SV2B: variants seen among roughly 807,000 people sequenced by gnomAD.
The protein encoded by SV2B is synaptic vesicle glycoprotein 2B, also known as solute carrier family 22 member B2.
SV2B carries 41 observed loss-of-function variants against 73.9 expected under a neutral mutation model. The observed-to-expected ratio is 0.56, with a 90% CI of 0.43 to 0.72. The LOEUF (loss-of-function observed/expected upper bound fraction) is 0.72, where lower values mean the gene tolerates loss of function less well. SV2B is among the 30% of genes least tolerant of loss of function. The probability of loss-of-function intolerance (pLI) is 0.00; values close to 1 mark genes in which losing one functional copy is unlikely to be tolerated. For missense variants in SV2B, 764 were observed against 857.8 expected (o/e 0.89, Z 1.37); for synonymous variants, 314 against 314.2 (o/e 1.00, Z 0.01).
Position 91,241,701 on chromosome 15 carries a change from T to C in SV2B, c.452-10118T>C, listed in dbSNP as rs1045457577. Among the ~76,000 whole-genome samples the C allele has an allele frequency of 6.6e-6, 1 of 152,066 alleles. No individual in the cohort carries two copies. The highest frequency in any genetic ancestry group is 1.5e-5 in the Non-Finnish European group (1 of 68,014). ...CGTATTCTTGTGACAGTGGAGGAGGTGTGAGGCTCACTGGTCTCCCTGTAT... is the reference window on the plus strand; with the variant it reads ...CGTATTCTTGTGACAGTGGAGGAGGCGTGAGGCTCACTGGTCTCCCTGTAT... On this transcript the variant is annotated intron_variant, in intron 2 of 12. Coordinates refer to ENST00000394232, the MANE Select transcript of SV2B (RefSeq NM_001323032.3). This position sits in a 1 kb window ranked among gnomAD's most constrained non-coding sequence, Gnocchi z 4.8.
chr15:91,118,684 A>G lies in SV2B; in HGVS notation c.-392+18321A>G, dbSNP rs2042244501. Among the ~76,000 whole-genome samples, 1 of 152,196 alleles carries G rather than the reference A, an allele frequency of 6.6e-6. No homozygotes were observed. The highest frequency in any genetic ancestry group is 2.1e-4 in the South Asian group (1 of 4,826). ...CCGAGGTGAGGCTGAACACTGTCTC[A>G]AGAAAACTTTATACACAGAAGCCAC... is the stretch of plus-strand genomic sequence containing the variant. On this transcript the variant is annotated intron_variant, in intron 1 of 12. Transcript: ENST00000394232. This position sits in a 1 kb window ranked among gnomAD's most constrained non-coding sequence, Gnocchi z 4.7.
intron 1 of SV2B, among the ~76,000 whole-genome samples, chr15:91,181,178 G>A (rs1486657690): frequency 6.6e-6 from 1 of 152,190 alleles, no homozygotes; most frequent in African/African-American, 2.4e-5. Flanking sequence ...TGTTTGCCTG[G>A]GTTTCAGCAG....
intron 2 of SV2B, among the ~76,000 whole-genome samples, chr15:91,228,560 C>T (rs1259753956): frequency 6.6e-6 from 1 of 152,180 alleles, no homozygotes; most frequent in Admixed American, 6.5e-5. Context: ...GATTTCATGG[C>T]CTGCTGGTCT....
At chr15:91,108,573 G>C (rs1025344188) in intron 1 of SV2B, among the ~76,000 whole-genome samples, 6 of 152,222 alleles carry the variant, frequency 3.9e-5, no homozygotes, top group Admixed American at 6.5e-5. Context: ...TCTGTTGGCT[G>C]TGGCTCTCTT....
At chr15:91,113,377 A>G (rs1365237316) in intron 1 of SV2B, among the ~76,000 whole-genome samples, 1 of 152,176 alleles carries the variant, frequency 6.6e-6, no homozygotes. Context: ...ATGCTCAACT[A>G]CACACATCTT....
At chr15:91,226,753 A>G in intron 2 of SV2B, 39 bp downstream of exon 2, 1 of 1,576,494 alleles carries the variant, frequency 6.3e-7, no homozygotes, top group Non-Finnish European at 8.5e-7. Flanking sequence ...AATGAAAGGG[A>G]AGGAGAAGTA....
chr15:91,195,109 C>T (rs1407559273), intron 1 of SV2B, among the ~76,000 whole-genome samples: 1 of 152,132 alleles, frequency 6.6e-6, no homozygotes, highest in Non-Finnish European at 1.5e-5. Context: ...CCTAGCCTGC[C>T]CTGGCTGATT....
chr15:91,150,468 T>C (rs2043280992), intron 1 of SV2B, among the ~76,000 whole-genome samples: 3 of 152,248 alleles, frequency 2.0e-5, no homozygotes, highest in Admixed American at 2.0e-4. Context: ...TAGCTGCTAA[T>C]ATCTGTGTTG....
intron 1 of SV2B, among the ~76,000 whole-genome samples, chr15:91,138,434 G>A (rs2042906316): frequency 6.6e-6 from 1 of 152,184 alleles, no homozygotes; most frequent in Non-Finnish European, 1.5e-5. Flanking sequence ...CAATTTATGG[G>A]AGACACAGGG....
chr15:91,202,189 C>T (rs1258342807), intron 1 of SV2B, among the ~76,000 whole-genome samples: 1 of 152,178 alleles, frequency 6.6e-6, no homozygotes, highest in Non-Finnish European at 1.5e-5. Flanking sequence ...TAAATTTCTG[C>T]CTAGCACTCA....
chr15:91,266,554 TTCTC>T, intron 6 of SV2B, 24 bp from the exon 7 acceptor site: 1 of 1,568,658 alleles, frequency 6.4e-7, no homozygotes, highest in Non-Finnish European at 8.8e-7. Flanking sequence ...GGGGTTCAAA[TTCTC>T]TATATCCTAT....
Position 91,261,218 on chromosome 15 carries a change from G to A in SV2B, c.1008+809G>A, listed in dbSNP as rs192957207. ...GCAGAGGTTGCAGTGAGCTGAGATA[G>A]TGCCACTGCACTCCAGCCTGGGCAA... On this transcript the variant is annotated intron_variant, in intron 6 of 12. Coordinates refer to ENST00000394232, the MANE Select transcript of SV2B (RefSeq NM_001323032.3). The surrounding 1 kb of genome is among the most constrained non-coding windows in gnomAD (Gnocchi z 4.7). Among the ~76,000 whole-genome samples, 11 of 152,186 alleles carry A rather than the reference G, an allele frequency of 7.2e-5. No homozygotes were observed. The highest frequency in any genetic ancestry group is 6.5e-4 in the Admixed American group (10 of 15,288).
At chr15:91,152,288 G>A (rs1047738940) in intron 1 of SV2B, among the ~76,000 whole-genome samples, 3 of 152,122 alleles carry the variant, frequency 2.0e-5, no homozygotes, top group Admixed American at 6.5e-5. Flanking sequence ...AGAACTCACA[G>A]CTATTCTCTA....
intron 1 of SV2B, among the ~76,000 whole-genome samples, chr15:91,203,850 C>G (rs1403435582): frequency 6.6e-6 from 1 of 152,182 alleles, no homozygotes; most frequent in Non-Finnish European, 1.5e-5. Flanking sequence ...TCCCCTCTCC[C>G]CCTCTCTCCC....
chr15:91,286,647 A>G (rs980856700), intron 11 of SV2B, among the ~76,000 whole-genome samples: 121 of 152,194 alleles, frequency 8.0e-4, no homozygotes, highest in African/African-American at 2.8e-3. Context: ...TATTATGAAT[A>G]TTGAACATGT....
At chr15:91,127,671 G>A (rs573008615) in intron 1 of SV2B, among the ~76,000 whole-genome samples, 1 of 152,280 alleles carries the variant, frequency 6.6e-6, no homozygotes, top group African/African-American at 2.4e-5. Flanking sequence ...AGGTGTTTGT[G>A]TGTGCAGGGA....
intron 1 of SV2B, among the ~76,000 whole-genome samples, chr15:91,184,668 T>C (rs1192851228): frequency 6.6e-6 from 1 of 152,204 alleles, no homozygotes; most frequent in Non-Finnish European, 1.5e-5. Flanking sequence ...GAAAAATGCT[T>C]ACTCATGACT....
At chr15:91,189,211 C>T (rs1278564663) in intron 1 of SV2B, among the ~76,000 whole-genome samples, 1 of 151,922 alleles carries the variant, frequency 6.6e-6, no homozygotes, top group East Asian at 1.9e-4. Context: ...GTTCATGGCA[C>T]ACTGTCATAA....
intron 1 of SV2B, among the ~76,000 whole-genome samples, chr15:91,180,592 C>A (rs1033361131): frequency 5.3e-5 from 8 of 152,134 alleles, no homozygotes; most frequent in African/African-American, 1.4e-4. Context: ...TTGTTCATTT[C>A]TTTTTATTCT....
Sources: allele counts gnomAD v4.1 joint callset (sites outside exome capture counted in the v4.1 genomes callset), GRCh38; gene constraint gnomAD v4.1.1; non-coding constraint Gnocchi (gnomAD v3.1); transcripts MANE v1.5; gene names NCBI Gene and HGNC (gene_info 2026-07-23, HGNC 2026-07-21).